The following PDZRN4 variants were observed in gnomAD, a reference collection of about 807,000 sequenced individuals.
PDZRN4 encodes PDZ domain containing ring finger 4.
PDZRN4 carries 70 observed loss-of-function variants against 99.0 expected under a neutral mutation model. The ratio of observed to expected loss-of-function variants is 0.71; its 90% CI spans 0.58 to 0.86. The LOEUF (loss-of-function observed/expected upper bound fraction) is 0.86. Among genes scored for constraint, PDZRN4 ranks in the 40% least tolerant of loss-of-function variants. The probability of loss-of-function intolerance (pLI) is 0.00; values close to 1 mark genes in which losing one functional copy is unlikely to be tolerated. For missense variants in PDZRN4, 1,474 were observed against 1,331.2 expected, an observed-to-expected ratio of 1.11 and a Z score of -1.67; for synonymous variants, 551 against 501.6, an observed-to-expected ratio of 1.10 and a Z score of -1.32.
intron 3 of PDZRN4, among the ~76,000 whole-genome samples, chr12:41,353,140 C>T (rs1291990358): frequency 6.6e-6 from 1 of 151,898 alleles, no homozygotes; most frequent in East Asian, 1.9e-4. Flanking sequence ...TTTTAATATG[C>T]ATATTCATAA....
chr12:41,445,714 T>C (rs1952720888), intron 3 of PDZRN4, among the ~76,000 whole-genome samples: 1 of 152,068 alleles, frequency 6.6e-6, no homozygotes, highest in South Asian at 2.1e-4. Context: ...AAACAGGATC[T>C]GCCTCAATCA....
chr12:41,372,063 T>C (rs1395210505), intron 3 of PDZRN4, among the ~76,000 whole-genome samples: 3 of 151,962 alleles, frequency 2.0e-5, no homozygotes, highest in African/African-American at 4.8e-5. Flanking sequence ...TAAATTTTTA[T>C]TGATAGTCTT....
At chr12:41,435,829 A>G (rs1168356906) in intron 3 of PDZRN4, among the ~76,000 whole-genome samples, 1 of 152,142 alleles carries the variant, frequency 6.6e-6, no homozygotes, top group Non-Finnish European at 1.5e-5. Flanking sequence ...GAGTATGAAC[A>G]TCTGAGAATC....
chr12:41,317,205 G>A (rs1484715883), intron 3 of PDZRN4, among the ~76,000 whole-genome samples: 3 of 151,426 alleles, frequency 2.0e-5, no homozygotes, highest in Non-Finnish European at 2.9e-5. Context: ...AACAGATAAA[G>A]AGATAAAAAA....
chr12:41,335,945 A>T (rs971663839), intron 3 of PDZRN4, among the ~76,000 whole-genome samples: 1 of 152,152 alleles, frequency 6.6e-6, no homozygotes, highest in African/African-American at 2.4e-5. Context: ...TCTTTAAGAA[A>T]TATCATTCTG....
intron 3 of PDZRN4, among the ~76,000 whole-genome samples, chr12:41,215,244 C>G (rs767082142): frequency 2.7e-4 from 41 of 152,112 alleles, no homozygotes; most frequent in South Asian, 2.1e-4. Context: ...AAATTGTTTA[C>G]TGGGCTGTCT....
rs747133189 is a variant in PDZRN4, at chr12:41,191,474, C to G, written c.665C>G (p.Pro222Arg). 3 of 1,546,462 alleles carry G rather than the reference C, an allele frequency of 1.9e-6. No homozygotes were observed. In the Admixed American group the frequency reaches 5.0e-5, roughly 26 times the overall value. ...TTTTTCTAGGATGGAGAGCATAAGC[C>G]ATTCACTATTGTGTTAGAAAGAGAA... is the stretch of plus-strand genomic sequence containing the variant. ...GGHRRDGEHK[P>R]FTIVLEREND... is the part of the protein sequence containing the mutation. Residue 222 changes from proline to arginine, a missense_variant, in exon 2 of 10, where the codon CCA becomes CGA. Physicochemically the swap from Pro to Arg is moderately radical, Grantham distance 103. Transcript: ENST00000402685.
chr12:41,189,066 G>A lies in PDZRN4; in HGVS notation c.611G>A (p.Arg204His), dbSNP rs1274497956. ...TTCACCCAATACATGGCTCACGTCC[G>A]CAACTTCGTCGGCGACCTCGGTGGC... ...EKFTQYMAHV[R>H]NFVGDLGGGH... The change falls in exon 1 of 10, where the codon CGC (arginine) becomes CAC (histidine). Residue 204 changes from arginine to histidine, a missense_variant. Arg to His is a conservative substitution (Grantham distance 29). Coordinates refer to ENST00000402685, the MANE Select transcript of PDZRN4 (RefSeq NM_001164595.2). 6.3e-7 allele frequency: 1 copy of A among 1,580,162 alleles called. No homozygotes were observed. Among genetic ancestry groups the A allele is most frequent in the Non-Finnish European group, 8.5e-7 (1 of 1,171,352 alleles).
At chr12:41,406,372 C>T (rs890760116) in intron 3 of PDZRN4, among the ~76,000 whole-genome samples, 17 of 152,200 alleles carry the variant, frequency 1.1e-4, no homozygotes, top group African/African-American at 3.9e-4. Context: ...AAGAAAAAAT[C>T]AACGCCTACT....
intron 3 of PDZRN4, among the ~76,000 whole-genome samples, chr12:41,286,648 A>C (rs1951424702): frequency 6.6e-6 from 1 of 152,148 alleles, no homozygotes; most frequent in South Asian, 2.1e-4. Flanking sequence ...TCGATGTGTA[A>C]ATGGATGTGT....
chr12:41,286,340 T>C (rs1467132848), intron 3 of PDZRN4, among the ~76,000 whole-genome samples: 18 of 63,134 alleles, frequency 2.9e-4, no homozygotes, highest in Non-Finnish European at 5.9e-4. Context: ...CTTCTTCTTT[T>C]TTTTTTTTTT....
intron 3 of PDZRN4, among the ~76,000 whole-genome samples, chr12:41,484,446 C>A (rs527912124): frequency 6.6e-6 from 1 of 152,268 alleles, no homozygotes; most frequent in South Asian, 2.1e-4. Flanking sequence ...CCTGAGCTAG[C>A]TATGTGAGTT....
chr12:41,189,184 C>T, intron 1 of PDZRN4, 81 bp downstream of exon 1: 2 of 1,366,852 alleles, frequency 1.5e-6, no homozygotes, highest in Non-Finnish European at 1.0e-6. Flanking sequence ...CTTCAGGATT[C>T]CTTTGGAATT....
At chr12:41,451,143 A>G (rs937458781) in intron 3 of PDZRN4, among the ~76,000 whole-genome samples, 1 of 148,982 alleles carries the variant, frequency 6.7e-6, no homozygotes, top group African/African-American at 2.5e-5. Flanking sequence ...ATTCAATTTA[A>G]TACTATTTCC....
At chr12:41,248,215 T>C (rs1951146079) in intron 3 of PDZRN4, among the ~76,000 whole-genome samples, 1 of 152,218 alleles carries the variant, frequency 6.6e-6, no homozygotes, top group South Asian at 2.1e-4. Context: ...AGCTGGCATG[T>C]TGCTGAGTAC....
chr12:41,406,958 C>T (rs1174171913), intron 3 of PDZRN4, among the ~76,000 whole-genome samples: 1 of 151,990 alleles, frequency 6.6e-6, no homozygotes, highest in Non-Finnish European at 1.5e-5. Flanking sequence ...CAATCCCAAC[C>T]CATGTTCATA....
intron 3 of PDZRN4, among the ~76,000 whole-genome samples, chr12:41,345,972 A>G (rs1268123201): frequency 2.0e-5 from 3 of 152,094 alleles, no homozygotes; most frequent in African/African-American, 7.2e-5. Flanking sequence ...TATTAAAACT[A>G]GTATTTTTAG....
At chr12:41,446,685 G>A (rs1424062287) in intron 3 of PDZRN4, among the ~76,000 whole-genome samples, 1 of 151,988 alleles carries the variant, frequency 6.6e-6, no homozygotes, top group Non-Finnish European at 1.5e-5. Flanking sequence ...TTCCAGGAGT[G>A]TATCATGAAG....
At chr12:41,508,971 C>T (rs944768145) in intron 4 of PDZRN4, among the ~76,000 whole-genome samples, 1 of 152,146 alleles carries the variant, frequency 6.6e-6, no homozygotes, top group Non-Finnish European at 1.5e-5. Context: ...TAGAAAAGGC[C>T]TTATGCTCTT....
Sources: gnomAD v4.1 joint callset for allele counts (sites outside exome capture counted in the v4.1 genomes callset) on GRCh38, gnomAD v4.1.1 for gene constraint, MANE v1.5 for transcripts, NCBI Gene and HGNC (gene_info 2026-07-23, HGNC 2026-07-21) for gene names.